Variants in MAP1LC3A observed in about 807,000 individuals in gnomAD.
The protein encoded by MAP1LC3A is microtubule associated protein 1 light chain 3 alpha.
Under a neutral mutation model 15.2 loss-of-function variants are expected in MAP1LC3A, and 10 were observed. The ratio of observed to expected loss-of-function variants is 0.66; its 90% CI spans 0.41 to 1.12. MAP1LC3A has a LOEUF of 1.12. Among genes scored for constraint, MAP1LC3A ranks in the 50% most tolerant of loss-of-function variants. The pLI is 0.00. For synonymous variants in MAP1LC3A, 63 were observed against 64.3 expected (o/e 0.98, Z 0.10); for missense variants, 138 against 167.3 (o/e 0.82, Z 0.97).
Position 34,559,756 on chromosome 20 carries a change from C to G in MAP1LC3A, c.224C>G (p.Pro75Arg), listed in dbSNP as rs771400043. 6.2e-7 allele frequency: 1 copy of G among 1,610,396 alleles called. No individual in the cohort carries two copies. The highest frequency in any genetic ancestry group is 1.1e-5 in the South Asian group (1 of 90,822). The change falls in exon 4 of 4, where the codon CCC becomes CGC. Residue 75 changes from proline (P) to arginine (R), a missense_variant. By Grantham distance (103) the Pro-to-Arg change is moderately radical (BLOSUM62 -2). Coordinates refer to ENST00000360668, the MANE Select transcript of MAP1LC3A (RefSeq NM_032514.4). Reference sequence around the variant, plus strand: ...TGCAGGCGCCGCCTGCAGCTGAACCCCACGCAGGCCTTCTTCCTGCTGGTG... The same window carrying G: ...TGCAGGCGCCGCCTGCAGCTGAACCGCACGCAGGCCTTCTTCCTGCTGGTG... ...KIIRRRLQLNPTQAFFLLVNQ... is the reference protein window; with the variant it reads ...KIIRRRLQLNRTQAFFLLVNQ...
At chr20:34,548,705 CTTTT>C (rs112988331) in intron 1 of MAP1LC3A, among the ~76,000 whole-genome samples, 20 of 142,314 alleles carry the variant, frequency 1.4e-4, no homozygotes, top group Non-Finnish European at 2.0e-4. Flanking sequence ...CCTTCGCTGC[CTTTT>C]TTTTTTTTTT....
In MAP1LC3A at chr20:34,559,237, C is replaced by T. The variant is rs754072527; in HGVS notation, c.70C>T (p.Arg24Cys). 1 of 1,605,474 alleles carries T rather than the reference C, an allele frequency of 6.2e-7. No homozygotes were observed. Among genetic ancestry groups the T allele is most frequent in the Non-Finnish European group, 8.5e-7 (1 of 1,177,024 alleles). The change falls in exon 2 of 4, where the codon CGC becomes TGC. Residue 24 changes from arginine to cysteine, a missense_variant. Physicochemically the swap from Arg to Cys is radical, Grantham distance 180 (BLOSUM62 -3). Coordinates refer to ENST00000360668, the MANE Select transcript of MAP1LC3A (RefSeq NM_032514.4). Reference sequence around the variant, plus strand: ...CCGCTGTAAGGAGGTACAGCAGATCCGCGACCAGCACCCCAGCAAAATCCC... The same window carrying T: ...CCGCTGTAAGGAGGTACAGCAGATCTGCGACCAGCACCCCAGCAAAATCCC... ...ADRCKEVQQI[R>C]DQHPSKIPVI...
At chr20:34,558,509 T>G, upstream of MAP1LC3A, 1 of 1,051,482 alleles carries the variant, frequency 9.5e-7, no homozygotes, top group Non-Finnish European at 1.1e-6. The surrounding 1 kb of genome is among the most constrained non-coding windows in gnomAD (Gnocchi z 4.3). Context: ...GGCCTTACCT[T>G]GAGTTCGGGC....
intron 2 of MAP1LC3A, among the ~76,000 whole-genome samples, chr20:34,552,710 G>C (rs1180463225): frequency 6.6e-6 from 1 of 152,274 alleles, no homozygotes; most frequent in Admixed American, 6.5e-5. Flanking sequence ...AACCAGCAAG[G>C]AGACAATAGC....
chr20:34,549,086 T>G (rs1365422884), intron 1 of MAP1LC3A, among the ~76,000 whole-genome samples: 2 of 148,372 alleles, frequency 1.3e-5, no homozygotes, highest in Non-Finnish European at 3.0e-5. Context: ...AGGGCAGTGG[T>G]GCAATCTTGG....
chr20:34,559,298 G>A (rs748772261), intron 2 of MAP1LC3A, 35 bp downstream of exon 2: 28 of 621,742 alleles, frequency 4.5e-5, no homozygotes, highest in East Asian at 5.6e-5. Flanking sequence ...CCCCGCCCCC[G>A]CCTCGCGCGT....
chr20:34,555,239 G>C (rs1213859090), upstream of MAP1LC3A, among the ~76,000 whole-genome samples: 3 of 150,354 alleles, frequency 2.0e-5, no homozygotes, highest in Non-Finnish European at 4.4e-5. Flanking sequence ...TCTGCCTCCC[G>C]GATTCAAGCA....
intron 3 of MAP1LC3A, 73 bp from the exon 4 acceptor site, chr20:34,559,663 A>T (rs911134859): frequency 1.3e-6 from 2 of 1,482,168 alleles, no homozygotes; most frequent in Non-Finnish European, 1.8e-6. Flanking sequence ...GCTGGGAATC[A>T]TTCTGGGGGT....
At chr20:34,559,170 G>C in intron 1 of MAP1LC3A, 38 bp from the exon 2 acceptor site, 1 of 1,522,778 alleles carries the variant, frequency 6.6e-7, no homozygotes, top group Non-Finnish European at 8.8e-7. Flanking sequence ...GACCTGGGCC[G>C]GCCCGACCCG....
intron 2 of MAP1LC3A, 22 bp downstream of exon 2, chr20:34,559,285 C>CCCA: frequency 1.3e-6 from 2 of 1,588,340 alleles, no homozygotes; most frequent in East Asian, 2.3e-5. Context: ...ACCCCCAGCC[C>CCCA]TGCCCCGCCC....
intron 1 of MAP1LC3A, among the ~76,000 whole-genome samples, chr20:34,548,095 AG>A (rs1481876938): frequency 6.6e-6 from 1 of 151,548 alleles, no homozygotes; most frequent in Non-Finnish European, 1.5e-5. Flanking sequence ...ATGGCAGGTG[AG>A]GGGGAGTCCA....
chr20:34,549,894 G>A (rs1981882264), intron 1 of MAP1LC3A: 3 of 1,224,960 alleles, frequency 2.4e-6, no homozygotes, highest in Admixed American at 1.7e-5. Context: ...TGCAGGCCCT[G>A]TTTCCCCCAG....
At chr20:34,548,354 C>T (rs1224314433) in intron 1 of MAP1LC3A, among the ~76,000 whole-genome samples, 1 of 152,138 alleles carries the variant, frequency 6.6e-6, no homozygotes, top group Non-Finnish European at 1.5e-5. Flanking sequence ...CTGCGAAGGC[C>T]GCGGGGAGCC....
chr20:34,548,813 C>A (rs868054646), intron 1 of MAP1LC3A, among the ~76,000 whole-genome samples: 4 of 151,572 alleles, frequency 2.6e-5, no homozygotes, highest in African/African-American at 4.9e-5. Flanking sequence ...TCAAGCAATT[C>A]TCCTGCCTCA....
At chr20:34,558,052 G>C (rs987800646), upstream of MAP1LC3A, 21 of 984,734 alleles carry the variant, frequency 2.1e-5, no homozygotes, top group Non-Finnish European at 2.4e-5. This position sits in a 1 kb window ranked among gnomAD's most constrained non-coding sequence, Gnocchi z 4.3. Flanking sequence ...TTCGCCTCTG[G>C]AGCTCTGCTC....
upstream of MAP1LC3A, chr20:34,558,025 C>T: frequency 1.0e-6 from 1 of 972,444 alleles, no homozygotes; most frequent in Non-Finnish European, 1.2e-6. This position sits in a 1 kb window ranked among gnomAD's most constrained non-coding sequence, Gnocchi z 4.3. Flanking sequence ...GGAACTGTCT[C>T]TGCAGGTCTT....
chr20:34,558,228 T>A, upstream of MAP1LC3A: 4 of 980,932 alleles, frequency 4.1e-6, no homozygotes, highest in Non-Finnish European at 4.8e-6. The surrounding 1 kb of genome is among the most constrained non-coding windows in gnomAD (Gnocchi z 4.3). Context: ...TTTCGATGGC[T>A]CTACTTTTCA....
chr20:34,552,816 C>G (rs553726984), intron 2 of MAP1LC3A, among the ~76,000 whole-genome samples: 1 of 152,262 alleles, frequency 6.6e-6, no homozygotes, highest in Non-Finnish European at 1.5e-5. Flanking sequence ...GAAGGTGGAA[C>G]AGACAGGATT....
chr20:34,554,354 GTTTTTTTTTTT>G (rs537779341), upstream of MAP1LC3A, among the ~76,000 whole-genome samples: 85 of 106,134 alleles, frequency 8.0e-4, no homozygotes, highest in African/African-American at 3.2e-3. Flanking sequence ...TATACGTTGG[GTTTTTTTTTTT>G]TTTTTTTTTT....
Sources: gnomAD v4.1 joint callset for allele counts (sites outside exome capture counted in the v4.1 genomes callset) on GRCh38, gnomAD v4.1.1 for gene constraint, Gnocchi (gnomAD v3.1) non-coding constraint, MANE v1.5 for transcripts, NCBI Gene and HGNC (gene_info 2026-07-23, HGNC 2026-07-21) for gene names.